Variants in CSMD1 observed in about 807,000 individuals in gnomAD.
The protein encoded by CSMD1 is CUB and Sushi multiple domains 1.
Under a neutral mutation model 417.5 loss-of-function variants are expected in CSMD1, and 213 were observed. The ratio of observed to expected loss-of-function variants is 0.51; its 90% CI spans 0.46 to 0.57. CSMD1 has a LOEUF of 0.57. Among genes scored for constraint, CSMD1 ranks in the 20% least tolerant of loss-of-function variants. The probability of loss-of-function intolerance (pLI) is 0.00; values close to 1 mark genes in which losing one functional copy is unlikely to be tolerated. For missense variants in CSMD1, 6,923 were observed against 4,529.7 expected, an observed-to-expected ratio of 1.53 and a Z score of -15.17; for synonymous variants, 2,862 against 1,736.8, an observed-to-expected ratio of 1.65 and a Z score of -16.11.
intron 25 of CSMD1, among the ~76,000 whole-genome samples, chr8:3,296,300 A>G (rs1471433440): frequency 6.6e-6 from 1 of 151,676 alleles, no homozygotes; most frequent in Non-Finnish European, 1.5e-5. Context: ...AGCCCCACGT[A>G]AGGGGCATAC....
chr8:3,261,985 T>C (rs1801100491), intron 26 of CSMD1, among the ~76,000 whole-genome samples: 2 of 151,776 alleles, frequency 1.3e-5, no homozygotes, highest in African/African-American at 2.4e-5. Context: ...CTACAGGATG[T>C]TACTCTTGGG....
At chr8:3,274,000 G>A (rs1290460249) in intron 26 of CSMD1, among the ~76,000 whole-genome samples, 1 of 151,382 alleles carries the variant, frequency 6.6e-6, no homozygotes, top group Non-Finnish European at 1.5e-5. Flanking sequence ...TGCTTTTCTA[G>A]TTCTTTTAAT....
intron 11 of CSMD1, among the ~76,000 whole-genome samples, chr8:3,485,552 G>GAC (rs1563082991): frequency 4.6e-5 from 7 of 151,284 alleles, no homozygotes; most frequent in African/African-American, 1.7e-4. Context: ...GAGAGAGAGA[G>GAC]AGAGAGAGAG....
intron 4 of CSMD1, among the ~76,000 whole-genome samples, chr8:4,026,009 T>TAC (rs1431731693): frequency 9.2e-6 from 1 of 108,946 alleles, no homozygotes; most frequent in South Asian, 4.3e-4. Context: ...TTAGGAACTC[T>TAC]ATAAAAAAAA....
intron 26 of CSMD1, among the ~76,000 whole-genome samples, chr8:3,275,409 G>C (rs953482476): frequency 6.6e-6 from 1 of 152,010 alleles, no homozygotes; most frequent in African/African-American, 2.4e-5. Context: ...TATGTGTCTT[G>C]GTGTTGCTCT....
chr8:3,668,113 G>C (rs529215644), intron 7 of CSMD1, among the ~76,000 whole-genome samples: 92 of 152,220 alleles, frequency 6.0e-4, no homozygotes, highest in Non-Finnish European at 1.1e-3. Flanking sequence ...GCAATGGGGA[G>C]AGAGCGTTGA....
chr8:4,483,306 C>G (rs1325304746), intron 2 of CSMD1, among the ~76,000 whole-genome samples: 2 of 152,164 alleles, frequency 1.3e-5, no homozygotes, highest in Non-Finnish European at 2.9e-5. Flanking sequence ...TGGGAATAGA[C>G]CAGTCTCGGA....
intron 1 of CSMD1, among the ~76,000 whole-genome samples, chr8:4,982,845 C>A (rs893943271): frequency 2.0e-5 from 3 of 152,184 alleles, no homozygotes; most frequent in East Asian, 1.9e-4. Flanking sequence ...CCTTCCGTGT[C>A]TCTTGTTGCC....
At chr8:3,446,199 T>C (rs1815296674) in intron 12 of CSMD1, among the ~76,000 whole-genome samples, 1 of 152,006 alleles carries the variant, frequency 6.6e-6, no homozygotes, top group African/African-American at 2.4e-5. Flanking sequence ...GAGAAAAAAA[T>C]CGTGAATGCA....
At chr8:4,643,825 T>C (rs528377271) in intron 1 of CSMD1, among the ~76,000 whole-genome samples, 3 of 152,326 alleles carry the variant, frequency 2.0e-5, no homozygotes, top group East Asian at 3.9e-4. Flanking sequence ...TAAAGTGCCG[T>C]TCCGGGGACT....
At chr8:4,636,452 C>T (rs765007351) in intron 2 of CSMD1, among the ~76,000 whole-genome samples, 8 of 152,074 alleles carry the variant, frequency 5.3e-5, no homozygotes, top group Non-Finnish European at 1.0e-4. Context: ...ATGCAATAGC[C>T]CTGAATGTTG....
At chr8:4,187,194 C>T (rs3990317) in intron 3 of CSMD1, among the ~76,000 whole-genome samples, 126,911 of 152,066 alleles carry the variant, frequency 0.83, 53,162 homozygotes, top group South Asian at 0.94. Flanking sequence ...CAATCTGGGA[C>T]ATTGTTGGAT....
intron 3 of CSMD1, among the ~76,000 whole-genome samples, chr8:4,093,057 G>C (rs898418521): frequency 2.0e-5 from 3 of 152,102 alleles, no homozygotes; most frequent in East Asian, 1.9e-4. Flanking sequence ...TGCATAGTTT[G>C]AACAAGTTGT....
At chr8:4,208,983 G>GAAA (rs1251809023) in intron 3 of CSMD1, among the ~76,000 whole-genome samples, 4 of 152,144 alleles carry the variant, frequency 2.6e-5, no homozygotes, top group Non-Finnish European at 5.9e-5. Context: ...ACCTACCAGT[G>GAAA]AAAGCTGCTT....
chr8:4,527,030 A>G (rs1056525298), intron 2 of CSMD1, among the ~76,000 whole-genome samples: 4 of 152,098 alleles, frequency 2.6e-5, no homozygotes, highest in Non-Finnish European at 5.9e-5. Context: ...GCTGTATAAT[A>G]TTTCATATTT....
intron 3 of CSMD1, among the ~76,000 whole-genome samples, chr8:4,093,987 T>TAGAC (rs1554445845): frequency 2.0e-5 from 3 of 151,250 alleles, no homozygotes; most frequent in African/African-American, 4.9e-5. Context: ...GATAGATAGA[T>TAGAC]AGATAGATAG....
intron 2 of CSMD1, among the ~76,000 whole-genome samples, chr8:4,483,995 G>C (rs115926943): frequency 2.0e-5 from 3 of 152,106 alleles, no homozygotes; most frequent in African/African-American, 7.2e-5. Context: ...AGCCCTGGGA[G>C]AAACATCCCA....
At chr8:4,604,127 G>A (rs1285941486) in intron 2 of CSMD1, among the ~76,000 whole-genome samples, 1 of 151,750 alleles carries the variant, frequency 6.6e-6, no homozygotes, top group Non-Finnish European at 1.5e-5. Flanking sequence ...TTCCACTTAT[G>A]TCTGTATTCC....
intron 3 of CSMD1, among the ~76,000 whole-genome samples, chr8:4,097,882 G>C (rs1452982083): frequency 2.6e-5 from 4 of 152,068 alleles, no homozygotes; most frequent in Non-Finnish European, 4.4e-5. Context: ...TCTATCCATG[G>C]GGCTTCATCA....
Sources: allele counts gnomAD v4.1 joint callset (sites outside exome capture counted in the v4.1 genomes callset), GRCh38; gene constraint gnomAD v4.1.1; transcripts MANE v1.5; gene names NCBI Gene and HGNC (gene_info 2026-07-23, HGNC 2026-07-21).